The following KCNJ3 variants were observed in gnomAD, a reference collection of about 807,000 sequenced individuals.
KCNJ3 encodes G protein-activated inward rectifier potassium channel 1.
A neutral mutation model predicts 39.2 loss-of-function variants in KCNJ3; 4 were observed. That is an observed-to-expected ratio of 0.10 (90% confidence interval 0.05 to 0.23). The LOEUF is 0.23. Among genes scored for constraint, KCNJ3 ranks in the 10% least tolerant of loss-of-function variants. The pLI is 1.00. For missense variants in KCNJ3, 276 were observed against 634.9 expected, an observed-to-expected ratio of 0.43 and a Z score of 6.08; for synonymous variants, 230 against 237.4, an observed-to-expected ratio of 0.97 and a Z score of 0.29.
At chr2:154,749,074 C>G (rs1023242124) in intron 2 of KCNJ3, among the ~76,000 whole-genome samples, 1 of 152,036 alleles carries the variant, frequency 6.6e-6, no homozygotes, top group Non-Finnish European at 1.5e-5. Context: ...AGAATCATTA[C>G]TTTTGTTTTT....
Position 154,761,062 on chromosome 2 carries a change from CTT to C in KCNJ3, c.919+51258_919+51259del, listed in dbSNP as rs11375045. On this transcript the variant is annotated intron_variant, in intron 2 of 2. Coordinates refer to ENST00000295101, the MANE Select transcript of KCNJ3 (RefSeq NM_002239.4). ...CCCTTAAATTTTTTTTTAATTTTTT[CTT>C]TTTTTTTTTTTTTTGTTGTAGAGAC... Among the ~76,000 whole-genome samples, 146 of 133,880 alleles carry C rather than the reference CTT, an allele frequency of 1.1e-3. 1 individual carries two copies. The highest frequency in any genetic ancestry group is 2.2e-3 in the East Asian group (10 of 4,498). 87.8% of individuals were successfully genotyped at this position (133,880 alleles called of 152,430 possible).
chr2:154,808,226 C>T (rs2105099180), intron 2 of KCNJ3, among the ~76,000 whole-genome samples: 1 of 151,938 alleles, frequency 6.6e-6, no homozygotes, highest in South Asian at 2.1e-4. Context: ...GGACTACAGG[C>T]ACATGCCACC....
chr2:154,771,225 A>G (rs1686237413), intron 2 of KCNJ3, among the ~76,000 whole-genome samples: 1 of 152,068 alleles, frequency 6.6e-6, no homozygotes, highest in African/African-American at 2.4e-5. Context: ...TTGTTAAAGG[A>G]AATTTATCTG....
At chr2:154,732,571 T>G (rs1413821474) in intron 2 of KCNJ3, among the ~76,000 whole-genome samples, 1 of 152,100 alleles carries the variant, frequency 6.6e-6, no homozygotes, top group African/African-American at 2.4e-5. Flanking sequence ...AAAATTATCA[T>G]CAGGTTCTGC....
chr2:154,706,087 C>G (rs2105148527), intron 1 of KCNJ3, among the ~76,000 whole-genome samples: 1 of 152,144 alleles, frequency 6.6e-6, no homozygotes, highest in East Asian at 1.9e-4. Context: ...AAAAGTCAAA[C>G]TTAGTAATCA....
At position 154,824,981 on chromosome 2, in the gene KCNJ3, C is replaced by T. The variant is rs547698724; in HGVS notation, c.920-29746C>T. 5.3e-5 allele frequency among the ~76,000 whole-genome samples: 8 copies of T among 152,290 alleles called. No homozygotes were observed. The East Asian group carries it at 7.7e-4, about 15-fold the overall frequency. ...TGGATGATTTGGTGTTGCAGTCCTGCGCAATCCGTTTTGAGTATTTCTCTT... is the reference window on the plus strand; with the variant it reads ...TGGATGATTTGGTGTTGCAGTCCTGTGCAATCCGTTTTGAGTATTTCTCTT... On this transcript the variant is annotated intron_variant, in intron 2 of 2. Transcript: ENST00000295101.
At chr2:154,759,183 G>A (rs913242241) in intron 2 of KCNJ3, among the ~76,000 whole-genome samples, 16 of 152,166 alleles carry the variant, frequency 1.1e-4, no homozygotes, top group Non-Finnish European at 2.4e-4. Context: ...GGATTGTGTA[G>A]AATTGAAAGT....
chr2:154,809,124 C>A (rs1003789357), intron 2 of KCNJ3, among the ~76,000 whole-genome samples: 4 of 152,068 alleles, frequency 2.6e-5, no homozygotes, highest in African/African-American at 7.2e-5. Flanking sequence ...CCCCACCCCA[C>A]GAGCTCATTC....
In KCNJ3 at chr2:154,769,222, T is replaced by C. The variant is rs560068175; in HGVS notation, c.919+59403T>C. On this transcript the variant is annotated intron_variant, in intron 2 of 2. Coordinates refer to ENST00000295101, the MANE Select transcript of KCNJ3 (RefSeq NM_002239.4). The stretch of plus-strand genomic sequence containing the variant: ...GCCCTGGCCAGAACTTCCAACACTA[T>C]GTTGAATAGGAGTGGTGAGAGAGGG... Among the ~76,000 whole-genome samples the C allele has an allele frequency of 3.5e-3, 528 of 152,274 alleles. 3 individuals are homozygous for C. The highest frequency in any genetic ancestry group is 0.012 in the African/African-American group (515 of 41,538).
At chr2:154,724,937 A>ATATATATATATATATATATATATAT (rs1685327710) in intron 2 of KCNJ3, among the ~76,000 whole-genome samples, 3 of 145,136 alleles carry the variant, frequency 2.1e-5, no homozygotes, top group African/African-American at 5.0e-5. Context: ...ATATATATAT[A>ATATATATATATATATATATATATAT]CCTTTGATGC....
intron 1 of KCNJ3, among the ~76,000 whole-genome samples, chr2:154,703,255 G>A (rs1050185491): frequency 1.3e-5 from 2 of 151,998 alleles, no homozygotes; most frequent in Non-Finnish European, 2.9e-5. Context: ...AACTATGGTT[G>A]CATTCATATT....
At chr2:154,758,337 G>C (rs376903858) in intron 2 of KCNJ3, among the ~76,000 whole-genome samples, 23 of 152,226 alleles carry the variant, frequency 1.5e-4, no homozygotes, top group African/African-American at 5.3e-4. Context: ...TAGTACAGTT[G>C]TTCCTTGGTA....
chr2:154,827,428 C>T (rs1485886651), intron 2 of KCNJ3, among the ~76,000 whole-genome samples: 1 of 152,052 alleles, frequency 6.6e-6, no homozygotes, highest in East Asian at 1.9e-4. Context: ...CAGAAATTTC[C>T]CCTAAGGCCT....
At chr2:154,719,071 AC>A (rs1685225873) in intron 2 of KCNJ3, among the ~76,000 whole-genome samples, 2 of 152,158 alleles carry the variant, frequency 1.3e-5, no homozygotes, top group South Asian at 4.1e-4. Flanking sequence ...AGGTCTTGGG[AC>A]TACCTGTATC....
chr2:154,764,461 G>A (rs1248623411), intron 2 of KCNJ3, among the ~76,000 whole-genome samples: 1 of 152,106 alleles, frequency 6.6e-6, no homozygotes, highest in African/African-American at 2.4e-5. Context: ...ATACAGCCTG[G>A]CATTGGCATG....
chr2:154,811,674 G>T (rs997269320), intron 2 of KCNJ3, among the ~76,000 whole-genome samples: 4 of 152,050 alleles, frequency 2.6e-5, no homozygotes, highest in Non-Finnish European at 5.9e-5. Flanking sequence ...CTATACCATT[G>T]TTACTTCCTG....
intron 2 of KCNJ3, among the ~76,000 whole-genome samples, chr2:154,742,892 C>T (rs1000975652): frequency 6.6e-6 from 1 of 151,586 alleles, no homozygotes; most frequent in African/African-American, 2.4e-5. Flanking sequence ...TCCAATTTGT[C>T]TTTTATTTTA....
At chr2:154,749,176 A>G (rs1685796312) in intron 2 of KCNJ3, among the ~76,000 whole-genome samples, 5 of 152,140 alleles carry the variant, frequency 3.3e-5, no homozygotes, top group African/African-American at 9.6e-5. Context: ...ATTATCATTT[A>G]GAAATTTAGC....
intron 2 of KCNJ3, among the ~76,000 whole-genome samples, chr2:154,742,383 GGT>G (rs1216478014): frequency 3.3e-5 from 5 of 151,586 alleles, no homozygotes; most frequent in Non-Finnish European, 7.4e-5. Flanking sequence ...AGGTCTTTTG[GGT>G]GTATACTCAG....
Sources: gnomAD v4.1 joint callset for allele counts (sites outside exome capture counted in the v4.1 genomes callset) on GRCh38, gnomAD v4.1.1 for gene constraint, MANE v1.5 for transcripts, NCBI Gene and HGNC (gene_info 2026-07-23, HGNC 2026-07-21) for gene names.